The following EPHA2 variants were observed in gnomAD, a reference collection of about 807,000 sequenced individuals.
The protein encoded by EPHA2 is ephrin type-A receptor 2.
EPHA2 carries 54 observed loss-of-function variants against 104.9 expected under a neutral mutation model. That is an observed-to-expected ratio of 0.51 (90% CI 0.41 to 0.65). The LOEUF is 0.65. EPHA2 is among the 30% of genes least tolerant of loss of function. The pLI is 0.00. For synonymous variants in EPHA2, 560 were observed against 559.1 expected, an observed-to-expected ratio of 1.00 and a Z score of -0.02; for missense variants, 1,117 against 1,369.5, an observed-to-expected ratio of 0.82 and a Z score of 2.91.
Position 16,138,063 on chromosome 1 carries a change from G to C in EPHA2, c.1102C>G (p.Gln368Glu), listed in dbSNP as rs959141703. The change falls in exon 5 of 17, where the codon CAG becomes GAG. Residue 368 changes from glutamine to glutamate, a missense_variant. Physicochemically the swap from Gln to Glu is conservative, Grantham distance 29. Coordinates refer to ENST00000358432, the MANE Select transcript of EPHA2 (RefSeq NM_004431.5). Reference protein sequence around the residue: ...EDIVYSVTCEQCWPESGECGP... With the variant: ...EDIVYSVTCEECWPESGECGP... ...CATTCCCCAGACTCGGGCCAGCACTGTTCGCAGGTGACGCTGTAGACAATG... is the reference window on the plus strand; with the variant it reads ...CATTCCCCAGACTCGGGCCAGCACTCTTCGCAGGTGACGCTGTAGACAATG... The C allele has an allele frequency of 1.9e-6, 3 of 1,612,840 alleles. No homozygotes were observed. Among genetic ancestry groups the C allele is most frequent in the Non-Finnish European group, 1.7e-6 (2 of 1,179,954 alleles).
rs1041090816 is a variant in EPHA2 at position 16,150,940 on chromosome 1, C to T, written c.109G>A (p.Ala37Thr). The T allele has an allele frequency of 6.2e-7, 1 of 1,614,128 alleles. No homozygotes were observed. Among genetic ancestry groups the T allele is most frequent in the African/African-American group, 1.3e-5 (1 of 75,038 alleles). The change falls in exon 2 of 17, where the codon GCT (alanine) becomes ACT (threonine). Residue 37 changes from alanine (A) to threonine (T), a missense_variant. Physicochemically the swap from Ala to Thr is moderately conservative, Grantham distance 58. Around this residue, in one of 3 missense-constraint regions of EPHA2, gnomAD observed 664 missense variants for 784.8 expected, o/e 0.85. Coordinates refer to ENST00000358432, the MANE Select transcript of EPHA2 (RefSeq NM_004431.5). This position sits in a 1 kb window ranked among gnomAD's most constrained non-coding sequence, Gnocchi z 4.8. ...KEVVLLDFAA[A>T]GGELGWLTHP... ...GTGAGCCAGCCGAGCTCCCCTCCAG[C>T]TGCAGCAAAGTCCAGCAGTACCACT...
intron 1 of EPHA2, among the ~76,000 whole-genome samples, chr1:16,152,732 C>T (rs559778239): frequency 1.3e-5 from 2 of 152,204 alleles, no homozygotes; most frequent in Admixed American, 6.5e-5. Context: ...GAGGGCTCAC[C>T]GCTACCAGGC....
chr1:16,129,526 C>G lies in EPHA2; in HGVS notation c.2733G>C (p.Glu911Asp). 6.2e-7 allele frequency: 1 copy of G among 1,613,682 alleles called. No individual in the cohort carries two copies. ...SEGVPFRTVSEWLESIKMQQY... is the reference protein window; with the variant it reads ...SEGVPFRTVSDWLESIKMQQY... The stretch of plus-strand genomic sequence containing the variant: ...GCTGCATCTTGATGGACTCCAGCCA[C>G]TCGGACACCGTGCGGAAGGGCACCC... The change falls in exon 16 of 17, where the codon GAG (glutamate) becomes GAC (aspartate). Residue 911 changes from glutamate to aspartate, a missense_variant. Glu to Asp is a conservative substitution (Grantham distance 45). Coordinates refer to ENST00000358432, the MANE Select transcript of EPHA2 (RefSeq NM_004431.5).
intron 3 of EPHA2, among the ~76,000 whole-genome samples, chr1:16,143,143 G>A (rs1239599573): frequency 5.7e-5 from 8 of 140,898 alleles, no homozygotes; most frequent in African/African-American, 2.0e-4. Context: ...GCGGGTAGAC[G>A]AGTGAATGGA....
At chr1:16,153,228 T>C in intron 1 of EPHA2, 1 of 985,362 alleles carries the variant, frequency 1.0e-6, no homozygotes, top group African/African-American at 1.7e-5. Flanking sequence ...CTTCCACAAA[T>C]GCAGGACTGC....
chr1:16,149,887 C>T (rs921336198), intron 2 of EPHA2, among the ~76,000 whole-genome samples: 2 of 152,110 alleles, frequency 1.3e-5, no homozygotes, highest in South Asian at 2.1e-4. Flanking sequence ...CTCAGGGAAG[C>T]GTTTGTTGAA....
At chr1:16,153,452 G>T in intron 1 of EPHA2, 1 of 415,130 alleles carries the variant, frequency 2.4e-6, no homozygotes, top group Non-Finnish European at 3.2e-6. Flanking sequence ...GCACTCTCCA[G>T]CCCTCTTCCC....
At position 16,150,814 on chromosome 1, in the gene EPHA2, C is replaced by T. The variant is rs1246618794; in HGVS notation, c.153+82G>A. 10 of 1,508,638 alleles carry T rather than the reference C, an allele frequency of 6.6e-6. No homozygotes were observed. The Admixed American group carries it at 1.0e-4, about 15-fold the overall frequency. The allele number at this position is 1,508,638 out of a possible 1,614,324, so 93.5% of individuals were successfully genotyped here. A position where few individuals can be genotyped will look rare whatever the true frequency, so the allele number is the denominator to read the frequency against. ...CTGAATTGAAGCCAGGCCCCACGCT[C>T]CCTGGGCCTCAGTTTCTCCATCTCT... On this transcript the variant is annotated intron_variant, in intron 2 of 16. Coordinates refer to ENST00000358432, the MANE Select transcript of EPHA2 (RefSeq NM_004431.5). The surrounding 1 kb of genome is among the most constrained non-coding windows in gnomAD (Gnocchi z 4.8).
At position 16,134,869 on chromosome 1, in the gene EPHA2, C is replaced by T. The variant is rs2024651034; in HGVS notation, c.1582+167G>A. On this transcript the variant is annotated intron_variant, in intron 7 of 16. Transcript: ENST00000358432. This position sits in a 1 kb window ranked among gnomAD's most constrained non-coding sequence, Gnocchi z 4.5. ...CTCCTCCACCCCTCAGCCTTCCATGCTTCCCCCTCCCCAGGCTTGGGGGCA... is the reference window on the plus strand; with the variant it reads ...CTCCTCCACCCCTCAGCCTTCCATGTTTCCCCCTCCCCAGGCTTGGGGGCA... Among the ~76,000 whole-genome samples, 1 of 152,248 alleles carries T rather than the reference C, an allele frequency of 6.6e-6. No individual in the cohort carries two copies. Among genetic ancestry groups the T allele is most frequent in the Non-Finnish European group, 1.5e-5 (1 of 68,054 alleles).
chr1:16,146,943 G>A (rs913951215), intron 3 of EPHA2, among the ~76,000 whole-genome samples: 1 of 152,240 alleles, frequency 6.6e-6, no homozygotes. Context: ...TAGCCAAGGT[G>A]TGTGCAACGC....
At chr1:16,147,693 A>G (rs904040725) in intron 3 of EPHA2, among the ~76,000 whole-genome samples, 29 of 150,786 alleles carry the variant, frequency 1.9e-4, no homozygotes, top group Admixed American at 9.4e-4. Flanking sequence ...CAGCCACCCT[A>G]CGAGATAGAC....
In EPHA2 at chr1:16,138,079, G is replaced by A. The variant is rs1432858092; in HGVS notation, c.1086C>T (p.Tyr362=). Reference sequence around the variant, plus strand: ...GCCAGCACTGTTCGCAGGTGACGCTGTAGACAATGTCCTCGCGGCCCCCGC... The same window carrying A: ...GCCAGCACTGTTCGCAGGTGACGCTATAGACAATGTCCTCGCGGCCCCCGC... The part of the protein sequence containing the change: ...QDSGGREDIV[Y]SVTCEQCWPE... The change falls in exon 5 of 17, where the codon TAC becomes TAT. Residue 362 remains tyrosine, a synonymous_variant. Coordinates refer to ENST00000358432, the MANE Select transcript of EPHA2 (RefSeq NM_004431.5). 2 of 1,612,058 alleles carry A rather than the reference G, an allele frequency of 1.2e-6. No individual in the cohort carries two copies. The highest frequency in any genetic ancestry group is 2.7e-5 in the African/African-American group (2 of 75,072).
At position 16,155,977 on chromosome 1, in the gene EPHA2, C is replaced by G. The variant is rs530073750; in HGVS notation, c.-45G>C. 2.1e-6 allele frequency: 3 copies of G among 1,436,554 alleles called. No individual in the cohort carries two copies. Among genetic ancestry groups the G allele is most frequent in the South Asian group, 1.3e-5 (1 of 74,724 alleles). 89.0% of individuals were successfully genotyped at this position (1,436,554 alleles called of 1,614,324 possible). A position where few individuals can be genotyped will look rare whatever the true frequency, so the allele number is the denominator to read the frequency against. ...GTCCGATCCCCCCGAGCCCGGCTCCCGCACACCCGCACGCCTGCACGCCGG... is the reference window on the plus strand; with the variant it reads ...GTCCGATCCCCCCGAGCCCGGCTCCGGCACACCCGCACGCCTGCACGCCGG... On this transcript the variant is annotated 5_prime_UTR_variant, in exon 1 of 17. Transcript: ENST00000358432.
intron 15 of EPHA2, among the ~76,000 whole-genome samples, chr1:16,129,910 G>A (rs755990236): frequency 1.3e-5 from 2 of 152,196 alleles, no homozygotes; most frequent in Non-Finnish European, 2.9e-5. Context: ...AGCCATGTAA[G>A]ATATTCAATC....
At chr1:16,155,410 C>T (rs982978651) in intron 1 of EPHA2, 1 of 152,714 alleles carries the variant, frequency 6.5e-6, no homozygotes, top group African/African-American at 2.4e-5. Context: ...GCCCCCTCCC[C>T]AAAATGCGAG....
At position 16,125,612 on chromosome 1, in the gene EPHA2, A is replaced by T. The variant is rs1425870262; in HGVS notation, c.2826-292T>A. ...GCTTTAAAAAAATAAAAATAAATCA[A>T]ATCTTCTGAATTATCTGTGAGGCAG... On this transcript the variant is annotated intron_variant, in intron 16 of 16. Coordinates refer to ENST00000358432, the MANE Select transcript of EPHA2 (RefSeq NM_004431.5). The surrounding 1 kb of genome is among the most constrained non-coding windows in gnomAD (Gnocchi z 4.9). Among the ~76,000 whole-genome samples, 1 of 151,978 alleles carries T rather than the reference A, an allele frequency of 6.6e-6. No homozygotes were observed. Among genetic ancestry groups the T allele is most frequent in the Non-Finnish European group, 1.5e-5 (1 of 68,000 alleles).
At position 16,135,226 on chromosome 1, in the gene EPHA2, G is replaced by A; in HGVS notation, c.1429-37C>T. 2 of 1,612,152 alleles carry A rather than the reference G, an allele frequency of 1.2e-6. No individual in the cohort carries two copies. The highest frequency in any genetic ancestry group is 1.3e-5 in the African/African-American group (1 of 75,010). ...TGGCCGGCGGAGGAGCAGGCAGTGA[G>A]GGCAGGGCAGGGGCCTCGGCTCAGC... On this transcript the variant is annotated intron_variant, in intron 6 of 16. Transcript: ENST00000358432. The surrounding 1 kb of genome is among the most constrained non-coding windows in gnomAD (Gnocchi z 4.3).
chr1:16,131,642 G>C lies in EPHA2; in HGVS notation c.2475+79C>G. ...AGAAGGTTCATCTAAACTGTCCTCT[G>C]CCCAGCCCCTGCAGTTTGAGATGAG... On this transcript the variant is annotated intron_variant, in intron 14 of 16. Transcript: ENST00000358432. The surrounding 1 kb of genome is among the most constrained non-coding windows in gnomAD (Gnocchi z 5.2). 1 of 1,589,930 alleles carries C rather than the reference G, an allele frequency of 6.3e-7. No individual in the cohort carries two copies. The highest frequency in any genetic ancestry group is 2.2e-5 in the East Asian group (1 of 44,478).
At position 16,134,589 on chromosome 1, in the gene EPHA2, T is replaced by A; in HGVS notation, c.1583-22A>T. On this transcript the variant is annotated intron_variant, in intron 7 of 16. Transcript: ENST00000358432. The surrounding 1 kb of genome is among the most constrained non-coding windows in gnomAD (Gnocchi z 4.5). The stretch of plus-strand genomic sequence containing the variant: ...GGGGCTGGTGGAAGAAATCAGCTGA[T>A]GACAAGGGAGTTCCCCCACAAATTA... 6.2e-7 allele frequency: 1 copy of A among 1,611,930 alleles called. No individual in the cohort carries two copies. Among genetic ancestry groups the A allele is most frequent in the Non-Finnish European group, 8.5e-7 (1 of 1,178,672 alleles).
Sources: allele counts gnomAD v4.1 joint callset (sites outside exome capture counted in the v4.1 genomes callset), GRCh38; gene constraint gnomAD v4.1.1; regional missense constraint gnomAD v4.1.1; non-coding constraint Gnocchi (gnomAD v3.1); transcripts MANE v1.5; gene names NCBI Gene and HGNC (gene_info 2026-07-23, HGNC 2026-07-21).